The following ARID4B variants were observed in gnomAD, a reference collection of about 807,000 sequenced individuals.
The protein encoded by ARID4B is AT-rich interactive domain-containing protein 4B.
ARID4B carries 26 observed loss-of-function variants against 147.5 expected under a neutral mutation model. The observed-to-expected ratio is 0.18, with a 90% CI of 0.13 to 0.24. The LOEUF (loss-of-function observed/expected upper bound fraction) is 0.24. Ranked by LOEUF, ARID4B falls within the 10% of genes least tolerant of loss-of-function variation. The pLI, the probability that ARID4B is intolerant of heterozygous loss-of-function variation, is 1.00. For missense variants in ARID4B, 1,179 were observed against 1,511.5 expected, an observed-to-expected ratio of 0.78 and a Z score of 3.65; for synonymous variants, 512 against 507.9, an observed-to-expected ratio of 1.01 and a Z score of -0.11.
intron 16 of ARID4B, among the ~76,000 whole-genome samples, chr1:235,217,749 G>T (rs558426306): frequency 1.4e-4 from 21 of 152,258 alleles, no homozygotes. Context: ...ATTACTTAGA[G>T]AAAGTTTATA....
At chr1:235,282,096 A>G (rs1328931678) in intron 2 of ARID4B, among the ~76,000 whole-genome samples, 1 of 152,230 alleles carries the variant, frequency 6.6e-6, no homozygotes, top group Non-Finnish European at 1.5e-5. Flanking sequence ...TATTTGAAGG[A>G]ATTGAAAATC....
intron 2 of ARID4B, among the ~76,000 whole-genome samples, chr1:235,264,057 C>A (rs1370399683): frequency 6.6e-6 from 1 of 152,092 alleles, no homozygotes; most frequent in African/African-American, 2.4e-5. Flanking sequence ...TGAAACACAT[C>A]ATCAGAGCAG....
At chr1:235,204,165 T>C (rs958436022) in intron 17 of ARID4B, among the ~76,000 whole-genome samples, 1 of 151,984 alleles carries the variant, frequency 6.6e-6, no homozygotes, top group Non-Finnish European at 1.5e-5. Flanking sequence ...CTCCTAAAAA[T>C]ACAAAAATTA....
intron 3 of ARID4B, 49 bp from the exon 4 acceptor site, chr1:235,257,274 A>G (rs780175342): frequency 8.2e-7 from 1 of 1,225,280 alleles, no homozygotes; most frequent in Non-Finnish European, 1.2e-6. Context: ...CAAGCAACAC[A>G]AGCTCATCAA....
At chr1:235,217,110 CTT>C (rs1667142209) in intron 16 of ARID4B, among the ~76,000 whole-genome samples, 1 of 152,094 alleles carries the variant, frequency 6.6e-6, no homozygotes, top group Non-Finnish European at 1.5e-5. Context: ...ACCCAACACT[CTT>C]TTATTAATGA....
At chr1:235,172,394 T>C (rs1331174689) in intron 23 of ARID4B, among the ~76,000 whole-genome samples, 2 of 152,082 alleles carry the variant, frequency 1.3e-5, no homozygotes, top group African/African-American at 4.8e-5. Context: ...CTGATTGACA[T>C]GGCGAAACCC....
At chr1:235,226,966 C>G (rs1008698130) in intron 11 of ARID4B, among the ~76,000 whole-genome samples, 1 of 152,098 alleles carries the variant, frequency 6.6e-6, no homozygotes, top group African/African-American at 2.4e-5. Context: ...ACCGTGCCTG[C>G]CAGGAGCAGT....
At chr1:235,303,605 C>A (rs1171158777) in intron 2 of ARID4B, among the ~76,000 whole-genome samples, 1 of 151,882 alleles carries the variant, frequency 6.6e-6, no homozygotes, top group Admixed American at 6.6e-5. Context: ...GTCTGTAATG[C>A]CAGCTATTTA....
intron 2 of ARID4B, among the ~76,000 whole-genome samples, chr1:235,288,125 C>A (rs1377818026): frequency 1.3e-5 from 2 of 152,200 alleles, no homozygotes; most frequent in Admixed American, 1.3e-4. Flanking sequence ...GGCTGGCCAA[C>A]ATGGCGAAAC....
intron 2 of ARID4B, among the ~76,000 whole-genome samples, chr1:235,309,007 C>T (rs1572210842): frequency 2.1e-5 from 3 of 143,806 alleles, no homozygotes; most frequent in African/African-American, 8.7e-5. Context: ...TCTGCCCGGC[C>T]GCCATCCCAT....
intron 2 of ARID4B, 93 bp from the exon 3 acceptor site, chr1:235,260,845 C>A (rs1197793860): frequency 2.5e-6 from 2 of 797,602 alleles, no homozygotes; most frequent in East Asian, 2.8e-5. Context: ...TGTTAAGCTA[C>A]AACAGTTATA....
intron 11 of ARID4B, among the ~76,000 whole-genome samples, chr1:235,226,401 C>A (rs1032933552): frequency 6.6e-6 from 1 of 152,138 alleles, no homozygotes; most frequent in Non-Finnish European, 1.5e-5. Flanking sequence ...TGCTCTGTCG[C>A]CCAGGCTGGA....
intron 17 of ARID4B, among the ~76,000 whole-genome samples, chr1:235,197,633 G>A (rs897943288): frequency 1.3e-5 from 2 of 152,152 alleles, no homozygotes; most frequent in Non-Finnish European, 2.9e-5. Flanking sequence ...ATGTGGTCCT[G>A]ATCAACTCAT....
chr1:235,278,989 G>A (rs1365154697), intron 2 of ARID4B, among the ~76,000 whole-genome samples: 1 of 152,058 alleles, frequency 6.6e-6, no homozygotes, highest in African/African-American at 2.4e-5. Context: ...CTAACTCACT[G>A]CAGCCTCCAC....
chr1:235,272,985 C>G (rs764434263), intron 2 of ARID4B, among the ~76,000 whole-genome samples: 1 of 152,060 alleles, frequency 6.6e-6, no homozygotes, highest in Non-Finnish European at 1.5e-5. Flanking sequence ...AGCAAATATC[C>G]ACAAGTGGCA....
intron 7 of ARID4B, among the ~76,000 whole-genome samples, chr1:235,245,276 A>T (rs1388420263): frequency 6.6e-6 from 1 of 152,230 alleles, no homozygotes; most frequent in East Asian, 1.9e-4. Context: ...CATATTCACA[A>T]AACGGACGCC....
intron 1 of ARID4B, 98 bp from the exon 2 acceptor site, chr1:235,327,066 G>A (rs1338753931): frequency 9.9e-6 from 8 of 810,038 alleles, no homozygotes; most frequent in African/African-American, 2.0e-5. Context: ...GAACCCCGAA[G>A]AAAGAGCCGC....
chr1:235,302,494 G>A (rs555589027), intron 2 of ARID4B, among the ~76,000 whole-genome samples: 1 of 152,222 alleles, frequency 6.6e-6, no homozygotes, highest in African/African-American at 2.4e-5. Flanking sequence ...ATTACATGTT[G>A]AAATAACAAT....
chr1:235,320,147 CA>C lies in ARID4B; in HGVS notation c.6+6766del, dbSNP rs1674724506. Among the ~76,000 whole-genome samples, 3 of 146,232 alleles carry C rather than the reference CA, an allele frequency of 2.1e-5. No homozygotes were observed. The South Asian group carries it at 6.6e-4, about 32-fold the overall frequency. On this transcript the variant is annotated intron_variant, in intron 2 of 23. Coordinates refer to ENST00000264183, the MANE Select transcript of ARID4B (RefSeq NM_016374.6). ...TCTAAAAAAAAAAAAACAAAAAATA[CA>C]AAAAAAATTAGCCAGGCGTGGTGGC...
Sources: gnomAD v4.1 joint callset for allele counts (sites outside exome capture counted in the v4.1 genomes callset) on GRCh38, gnomAD v4.1.1 for gene constraint, MANE v1.5 for transcripts, NCBI Gene and HGNC (gene_info 2026-07-23, HGNC 2026-07-21) for gene names.